The following ZNF599 variants were observed in gnomAD, a reference collection of about 807,000 sequenced individuals.
The protein encoded by ZNF599 is zinc finger protein 599.
A neutral mutation model predicts 11.7 loss-of-function variants in ZNF599; 10 were observed. That is an observed-to-expected ratio of 0.86 (90% CI 0.53 to 1.45). ZNF599 has a LOEUF of 1.45. ZNF599 is among the 40% of genes most tolerant of loss of function. ZNF599 has a pLI of 0.00. For synonymous variants in ZNF599, 232 were observed against 253.2 expected, an observed-to-expected ratio of 0.92 and a Z score of 0.79; for missense variants, 688 against 713.6, an observed-to-expected ratio of 0.96 and a Z score of 0.41.
chr19:34,766,594 T>C (rs989121876), intron 3 of ZNF599, among the ~76,000 whole-genome samples: 37 of 152,212 alleles, frequency 2.4e-4, no homozygotes, highest in African/African-American at 8.7e-4. Flanking sequence ...GCTAGGCAGT[T>C]TCCTGCTATG....
chr19:34,776,473 G>A (rs1048482147), upstream of ZNF599, among the ~76,000 whole-genome samples: 3 of 152,144 alleles, frequency 2.0e-5, no homozygotes, highest in South Asian at 2.1e-4. Flanking sequence ...ATGGGCTTGC[G>A]ATTCTTCAGC....
the ZNF599 span, among the ~76,000 whole-genome samples, chr19:34,781,962 A>G: frequency 5.9e-5 from 9 of 152,318 alleles, no homozygotes; most frequent in East Asian, 1.7e-3. Flanking sequence ...TGACAAGTGG[A>G]TACAGTTTCA....
intron 3 of ZNF599, among the ~76,000 whole-genome samples, chr19:34,766,586 T>C (rs955976166): frequency 6.6e-6 from 1 of 152,254 alleles, no homozygotes; most frequent in Admixed American, 6.5e-5. Flanking sequence ...GGCAGTGTGC[T>C]AGGCAGTTTC....
At chr19:34,799,452 T>C in the ZNF599 span, among the ~76,000 whole-genome samples, 1 of 151,984 alleles carries the variant, frequency 6.6e-6, no homozygotes, top group African/African-American at 2.4e-5. Flanking sequence ...TTTTGTTTCC[T>C]TTTTATCCAT....
At chr19:34,772,262 C>T in intron 1 of ZNF599, 3 of 930,100 alleles carry the variant, frequency 3.2e-6, no homozygotes, top group Non-Finnish European at 3.8e-6. Context: ...AATAAACAGA[C>T]GGCATCTGCA....
chr19:34,803,867 T>C, the ZNF599 span, among the ~76,000 whole-genome samples: 1 of 152,204 alleles, frequency 6.6e-6, no homozygotes, highest in Non-Finnish European at 1.5e-5. Context: ...GTGCACATCA[T>C]TCTTTAGGCT....
the ZNF599 span, among the ~76,000 whole-genome samples, chr19:34,799,020 G>A: frequency 1.3e-5 from 2 of 149,116 alleles, no homozygotes; most frequent in African/African-American, 4.9e-5. Flanking sequence ...TTTTTTTTTT[G>A]AGACAGGGTC....
chr19:34,786,830 C>A, the ZNF599 span, among the ~76,000 whole-genome samples: 1 of 152,170 alleles, frequency 6.6e-6, no homozygotes, highest in African/African-American at 2.4e-5. Context: ...GCCTCTGAGG[C>A]CCTAGGTGCA....
the ZNF599 span, among the ~76,000 whole-genome samples, chr19:34,781,829 A>G: frequency 6.6e-6 from 1 of 152,218 alleles, no homozygotes. Flanking sequence ...ATGGAAATGC[A>G]CATCTCACAA....
intron 2 of ZNF599, among the ~76,000 whole-genome samples, 163 bp downstream of exon 2, chr19:34,769,266 T>C (rs557454321): frequency 4.6e-5 from 7 of 152,292 alleles, no homozygotes; most frequent in African/African-American, 1.7e-4. Flanking sequence ...AATCTTTGAT[T>C]GAGACACAGG....
chr19:34,807,240 G>T, the ZNF599 span, among the ~76,000 whole-genome samples: 1 of 152,186 alleles, frequency 6.6e-6, no homozygotes, highest in Non-Finnish European at 1.5e-5. Context: ...GAAGTGACCT[G>T]AACAGGTTCC....
chr19:34,776,426 T>C (rs2145472137), upstream of ZNF599, among the ~76,000 whole-genome samples: 1 of 152,340 alleles, frequency 6.6e-6, no homozygotes, highest in South Asian at 2.1e-4. Flanking sequence ...ACAACACTAT[T>C]TATATACACC....
the ZNF599 span, among the ~76,000 whole-genome samples, chr19:34,787,151 G>A: frequency 6.6e-6 from 1 of 152,086 alleles, no homozygotes; most frequent in Non-Finnish European, 1.5e-5. Context: ...TACCTCATGG[G>A]AAGTAATAGA....
chr19:34,766,812 C>T (rs996588913), intron 3 of ZNF599, among the ~76,000 whole-genome samples: 2 of 152,214 alleles, frequency 1.3e-5, no homozygotes, highest in Admixed American at 6.5e-5. Context: ...GAAGTGACTA[C>T]TGCCCTTCTC....
At chr19:34,779,452 C>T in the ZNF599 span, 1 of 456,126 alleles carries the variant, frequency 2.2e-6, no homozygotes, top group East Asian at 7.0e-5. Context: ...TCAGAGTGAA[C>T]TCTCTGATGT....
chr19:34,772,637 C>T (rs1299827243), intron 1 of ZNF599, 187 bp downstream of exon 1: 2 of 1,392,580 alleles, frequency 1.4e-6, no homozygotes, highest in African/African-American at 1.5e-5. Context: ...CAACTCCTGT[C>T]CTGGATTCAG....
chr19:34,804,383 C>T, the ZNF599 span, among the ~76,000 whole-genome samples: 1 of 152,242 alleles, frequency 6.6e-6, no homozygotes, highest in African/African-American at 2.4e-5. Flanking sequence ...CAGTTCTCTC[C>T]CTTCAGCTGT....
intron 1 of ZNF599, chr19:34,772,547 T>C: frequency 7.5e-7 from 1 of 1,339,818 alleles, no homozygotes; most frequent in Non-Finnish European, 9.5e-7. Flanking sequence ...GAGACTCGCA[T>C]TTTAGACCCG....
At position 34,769,453 on chromosome 19, in the gene ZNF599, T is replaced by C. The variant is rs1228000899; in HGVS notation, c.121A>G (p.Thr41Ala). 1 of 1,613,968 alleles carries C rather than the reference T, an allele frequency of 6.2e-7. No homozygotes were observed. The highest frequency in any genetic ancestry group is 2.2e-5 in the East Asian group (1 of 44,882). The change falls in exon 2 of 4, where the codon ACC becomes GCC. Residue 41 changes from threonine to alanine, a missense_variant. Transcript: ENST00000329285. ...CCCAGTGAGACCAGGAGCCTGCAGG[T>C]CTCCAGCATCACCTCCTGGTACAGG... is the stretch of plus-strand genomic sequence containing the variant. ...RTLYQEVMLE[T>A]CRLLVSLGHP...
Sources: gnomAD v4.1 joint callset for allele counts (sites outside exome capture counted in the v4.1 genomes callset) on GRCh38, gnomAD v4.1.1 for gene constraint, MANE v1.5 for transcripts, NCBI Gene and HGNC (gene_info 2026-07-23, HGNC 2026-07-21) for gene names.